The following CFAP61 variants were observed in gnomAD, a reference collection of about 807,000 sequenced individuals.
CFAP61 encodes the protein cilia and flagella associated protein 61.
A neutral mutation model predicts 135.6 loss-of-function variants in CFAP61; 107 were observed. The observed-to-expected ratio is 0.79, with a 90% confidence interval of 0.67 to 0.93. The LOEUF is 0.93. Ranked by LOEUF, CFAP61 falls within the 40% of genes least tolerant of loss-of-function variation. CFAP61 has a pLI of 0.00. For synonymous variants in CFAP61, 575 were observed against 578.5 expected, an observed-to-expected ratio of 0.99 and a Z score of 0.09; for missense variants, 1,507 against 1,556.2, an observed-to-expected ratio of 0.97 and a Z score of 0.53.
At chr20:20,089,546 A>T (rs2146612125) in intron 6 of CFAP61, among the ~76,000 whole-genome samples, 1 of 152,068 alleles carries the variant, frequency 6.6e-6, no homozygotes, top group African/African-American at 2.4e-5. Context: ...CTAGAAAAAA[A>T]TAACACAATG....
chr20:20,246,971 T>G (rs1400577943), intron 19 of CFAP61, among the ~76,000 whole-genome samples: 3 of 152,202 alleles, frequency 2.0e-5, no homozygotes, highest in Non-Finnish European at 1.5e-5. Context: ...CTTTATAATT[T>G]TATCAGACTA....
chr20:20,324,371 A>G, intron 25 of CFAP61, among the ~76,000 whole-genome samples: 1 of 151,986 alleles, frequency 6.6e-6, no homozygotes, highest in East Asian at 1.9e-4. Flanking sequence ...TACTGTACCT[A>G]TTTCCTTCTA....
intron 22 of CFAP61, among the ~76,000 whole-genome samples, chr20:20,284,282 T>C (rs2054415321): frequency 2.0e-5 from 1 of 49,194 alleles, no homozygotes; most frequent in Non-Finnish European, 4.6e-5. Flanking sequence ...TTATTTTATT[T>C]TATTTTATTT....
chr20:20,115,551 T>C (rs949963636), intron 8 of CFAP61, among the ~76,000 whole-genome samples: 4 of 152,118 alleles, frequency 2.6e-5, no homozygotes, highest in Non-Finnish European at 5.9e-5. Context: ...TTAAATTATA[T>C]ATTTCTACCC....
intron 9 of CFAP61, among the ~76,000 whole-genome samples, chr20:20,148,377 T>A (rs2052090087): frequency 1.1e-5 from 1 of 87,110 alleles, no homozygotes; most frequent in Non-Finnish European, 2.4e-5. Context: ...ATTCTACCCA[T>A]CCATGAGCAT....
Position 20,263,150 on chromosome 20 carries a change from T to C in CFAP61, c.2503+20T>C. ...CAGAAGGTAAGGATGTCGGTAACTG[T>C]GCATCTCTTCAGAATAGCGTTTTAT... On this transcript the variant is annotated intron_variant, in intron 21 of 26. Transcript: ENST00000245957. 6.3e-7 allele frequency: 1 copy of C among 1,594,446 alleles called. No homozygotes were observed. The highest frequency in any genetic ancestry group is 8.6e-7 in the Non-Finnish European group (1 of 1,165,894).
At chr20:20,063,865 AC>A (rs2146547622) in intron 2 of CFAP61, among the ~76,000 whole-genome samples, 1 of 152,346 alleles carries the variant, frequency 6.6e-6, no homozygotes, top group Non-Finnish European at 1.5e-5. Context: ...TTGAATAAAA[AC>A]CCATTGCATT....
intron 26 of CFAP61, among the ~76,000 whole-genome samples, chr20:20,343,731 C>T (rs764221035): frequency 6.6e-6 from 1 of 152,172 alleles, no homozygotes; most frequent in African/African-American, 2.4e-5. Context: ...TCTGTGCCTC[C>T]GTCTTTCTTA....
chr20:20,069,459 T>C (rs1296849428), intron 2 of CFAP61, among the ~76,000 whole-genome samples: 1 of 152,154 alleles, frequency 6.6e-6, no homozygotes, highest in African/African-American at 2.4e-5. Flanking sequence ...TTTATATTTT[T>C]AGTCAAGATG....
intron 17 of CFAP61, chr20:20,200,536 TAC>T (rs2056561819): frequency 5.2e-6 from 1 of 191,336 alleles, no homozygotes; most frequent in Admixed American, 6.5e-5. Flanking sequence ...CCTGTATACA[TAC>T]ACACAGTTTT....
At chr20:20,351,593 A>G (rs1168818127) in intron 26 of CFAP61, among the ~76,000 whole-genome samples, 2 of 150,574 alleles carry the variant, frequency 1.3e-5, no homozygotes, top group Non-Finnish European at 3.0e-5. Flanking sequence ...AAAAATGTTT[A>G]TATACACTAA....
chr20:20,222,350 TG>T lies in CFAP61; in HGVS notation c.1933-5898del, dbSNP rs1401235599. ...ATGGAAGTGAAAGAAATTTACTCATTGAATCATAGAGGCTACCATGGCCCAC... is the reference window on the plus strand; with the variant it reads ...ATGGAAGTGAAAGAAATTTACTCATTAATCATAGAGGCTACCATGGCCCAC... On this transcript the variant is annotated intron_variant, in intron 17 of 26. Coordinates refer to ENST00000245957, the MANE Select transcript of CFAP61 (RefSeq NM_015585.4). 2.6e-5 allele frequency among the ~76,000 whole-genome samples: 4 copies of T among 152,166 alleles called. No homozygotes were observed. The East Asian group carries it at 7.7e-4, about 29-fold the overall frequency.
At chr20:20,186,258 A>C (rs1366540052) in intron 13 of CFAP61, among the ~76,000 whole-genome samples, 1 of 152,212 alleles carries the variant, frequency 6.6e-6, no homozygotes, top group East Asian at 1.9e-4. Flanking sequence ...ATTTCATATA[A>C]ATGGAATTAC....
At chr20:20,252,169 C>T (rs1277783554) in intron 20 of CFAP61, among the ~76,000 whole-genome samples, 1 of 152,174 alleles carries the variant, frequency 6.6e-6, no homozygotes, top group Non-Finnish European at 1.5e-5. Flanking sequence ...GTATTGCAAA[C>T]ACGTGCACCT....
At chr20:20,345,534 T>C (rs567064076) in intron 26 of CFAP61, among the ~76,000 whole-genome samples, 4 of 152,360 alleles carry the variant, frequency 2.6e-5, no homozygotes, top group Non-Finnish European at 4.4e-5. Context: ...ATATCAATTT[T>C]CTTCTTCCAC....
chr20:20,139,630 C>T (rs1369405229), intron 8 of CFAP61, among the ~76,000 whole-genome samples: 2 of 152,164 alleles, frequency 1.3e-5, no homozygotes, highest in Non-Finnish European at 2.9e-5. Context: ...ACCCCAGAGA[C>T]ACTGGAGAGA....
At chr20:20,214,436 C>T (rs1180318471) in intron 17 of CFAP61, 3 of 152,160 alleles carry the variant, frequency 2.0e-5, no homozygotes, top group African/African-American at 4.8e-5. Context: ...CCAGGCCAGG[C>T]TCCAAAATTC....
intron 25 of CFAP61, among the ~76,000 whole-genome samples, chr20:20,315,388 G>GT (rs1322465465): frequency 1.3e-5 from 2 of 149,012 alleles, no homozygotes; most frequent in African/African-American, 2.4e-5. Flanking sequence ...GGGGTTGTTT[G>GT]TTTTTTTCTT....
intron 2 of CFAP61, among the ~76,000 whole-genome samples, chr20:20,066,675 C>T (rs945036210): frequency 5.3e-5 from 8 of 150,510 alleles, no homozygotes; most frequent in Middle Eastern, 3.4e-3. Flanking sequence ...CAGGGCCTGT[C>T]GGGGTGGGGG....
Sources: gnomAD v4.1 joint callset for allele counts (sites outside exome capture counted in the v4.1 genomes callset) on GRCh38, gnomAD v4.1.1 for gene constraint, MANE v1.5 for transcripts, NCBI Gene and HGNC (gene_info 2026-07-23, HGNC 2026-07-21) for gene names.